JAK2: variants seen among roughly 807,000 people sequenced by gnomAD.
JAK2 encodes the protein Janus kinase 2.
JAK2 carries 86 observed loss-of-function variants against 139.3 expected under a neutral mutation model. That is an observed-to-expected ratio of 0.62 (90% confidence interval 0.52 to 0.74). JAK2 has a LOEUF of 0.74. Among genes scored for constraint, JAK2 ranks in the 30% least tolerant of loss-of-function variants. The pLI, the probability that JAK2 is intolerant of heterozygous loss-of-function variation, is 0.00. For synonymous variants in JAK2, 490 were observed against 437.7 expected (o/e 1.12, Z -1.49); for missense variants, 1,421 against 1,360.3 (o/e 1.04, Z -0.70).
At chr9:5,090,095 C>G (rs952844103) in intron 20 of JAK2, among the ~76,000 whole-genome samples, 1 of 152,076 alleles carries the variant, frequency 6.6e-6, no homozygotes, top group Non-Finnish European at 1.5e-5. Flanking sequence ...AAGAAAGTAT[C>G]ATTTTTAAAG....
chr9:5,034,407 G>C (rs537017966), intron 4 of JAK2, among the ~76,000 whole-genome samples: 25 of 152,250 alleles, frequency 1.6e-4, no homozygotes, highest in Middle Eastern at 3.4e-3. Context: ...GACATCTACA[G>C]AACTCTCCAC....
Position 5,044,524 on chromosome 9 carries a change from T to C in JAK2, c.468+4T>C, listed in dbSNP as rs1816855907. On this transcript the variant is annotated splice_donor_region_variant and intron_variant, in intron 5 of 24. Coordinates refer to ENST00000381652, the MANE Select transcript of JAK2 (RefSeq NM_004972.4). ...CATGTCTTACCTCTTTGCTCAGGTA[T>C]GATTATATTATCTTACTTGTACATG... 5 of 1,487,648 alleles carry C rather than the reference T, an allele frequency of 3.4e-6. No individual in the cohort carries two copies. The highest frequency in any genetic ancestry group is 4.6e-6 in the Non-Finnish European group (5 of 1,076,928). The allele number at this position is 1,487,648 out of a possible 1,614,324, so 92.2% of individuals were successfully genotyped here. A position where few individuals can be genotyped will look rare whatever the true frequency, so the allele number is the denominator to read the frequency against.
At chr9:5,020,352 T>G (rs944693712) in intron 2 of JAK2, among the ~76,000 whole-genome samples, 1 of 152,152 alleles carries the variant, frequency 6.6e-6, no homozygotes, top group Non-Finnish European at 1.5e-5. Context: ...ATAACATGCT[T>G]GGATACGTGG....
In JAK2 at chr9:5,055,434, C is replaced by T. The variant is rs1536800; in HGVS notation, c.937-235C>T. On this transcript the variant is annotated intron_variant, in intron 7 of 24. Transcript: ENST00000381652. ...TAATGTTAATTGAATTGAAGAGTGC[C>T]ATAGCACATTTTAGATTCCTGGCAT... Among the ~76,000 whole-genome samples the T allele has an allele frequency of 0.2, 30,854 of 151,780 alleles. 3,328 individuals are homozygous for T. The highest frequency in any genetic ancestry group is 0.26 in the South Asian group (1,252 of 4,820).
At chr9:5,021,055 G>C (rs187862926) in intron 2 of JAK2, among the ~76,000 whole-genome samples, 1 of 152,088 alleles carries the variant, frequency 6.6e-6, no homozygotes, top group Non-Finnish European at 1.5e-5. Flanking sequence ...CTTGTGTCTG[G>C]GATTGCAGGA....
chr9:5,105,495 T>C (rs926597240), intron 22 of JAK2, among the ~76,000 whole-genome samples: 2 of 152,178 alleles, frequency 1.3e-5, no homozygotes, highest in Non-Finnish European at 2.9e-5. Flanking sequence ...CTGCCCAAAG[T>C]AATTTATAGA....
In JAK2 at chr9:5,121,132, A is replaced by G. The variant is rs530076358; in HGVS notation, c.3060-1872A>G. Among the ~76,000 whole-genome samples the G allele has an allele frequency of 1.9e-3, 295 of 152,282 alleles. 1 individual carries two copies. The highest frequency in any genetic ancestry group is 6.0e-3 in the African/African-American group (249 of 41,546). On this transcript the variant is annotated intron_variant, in intron 22 of 24. Coordinates refer to ENST00000381652, the MANE Select transcript of JAK2 (RefSeq NM_004972.4). ...ATAGTAGTAGTAGTGTTGGGAAAGT[A>G]TAATTGAAAACAAAATCTTCCAACC...
At chr9:5,036,111 T>C (rs1823580600) in intron 4 of JAK2, among the ~76,000 whole-genome samples, 2 of 152,202 alleles carry the variant, frequency 1.3e-5, no homozygotes, top group African/African-American at 4.8e-5. Context: ...AGCCAAATCA[T>C]GAGTGAACTC....
At chr9:5,007,223 C>T (rs778522505) in intron 2 of JAK2, among the ~76,000 whole-genome samples, 16 of 152,052 alleles carry the variant, frequency 1.1e-4, no homozygotes, top group Middle Eastern at 6.4e-3. Context: ...CCTTTCTTCT[C>T]GTCTTGTGTA....
At chr9:4,993,228 C>G (rs1820366293) in intron 2 of JAK2, among the ~76,000 whole-genome samples, 2 of 152,172 alleles carry the variant, frequency 1.3e-5, no homozygotes, top group African/African-American at 4.8e-5. Flanking sequence ...GGACAACACC[C>G]TTAAGATCCT....
At chr9:5,010,552 C>T (rs1821632649) in intron 2 of JAK2, among the ~76,000 whole-genome samples, 1 of 152,150 alleles carries the variant, frequency 6.6e-6, no homozygotes, top group Non-Finnish European at 1.5e-5. Context: ...AACTCCTGAC[C>T]TCAGGTGATT....
Position 5,085,598 on chromosome 9 carries a change from C to T in JAK2, c.2571+3737C>T, listed in dbSNP as rs184493328. ...GTTTGTGCCCCACCTATAGATACTACAGAAAGAATTAAATCTCCAGCAAGG... is the reference window on the plus strand; with the variant it reads ...GTTTGTGCCCCACCTATAGATACTATAGAAAGAATTAAATCTCCAGCAAGG... On this transcript the variant is annotated intron_variant, in intron 19 of 24. Transcript: ENST00000381652. The T allele has an allele frequency of 9.3e-4, 646 of 696,594 alleles. 1 individual carries two copies. In the African/African-American group the frequency reaches 0.011, roughly 11 times the overall value. 43.2% of individuals were successfully genotyped at this position (696,594 alleles called of 1,614,324 possible). A position where few individuals can be genotyped will look rare whatever the true frequency, so the allele number is the denominator to read the frequency against.
chr9:5,073,270 G>C (rs1317618017), intron 13 of JAK2, among the ~76,000 whole-genome samples: 2 of 152,200 alleles, frequency 1.3e-5, no homozygotes, highest in Non-Finnish European at 2.9e-5. Flanking sequence ...AACTATGCTA[G>C]TATCCTGACA....
intron 22 of JAK2, among the ~76,000 whole-genome samples, chr9:5,119,973 A>C (rs1390016394): frequency 6.6e-6 from 1 of 152,220 alleles, no homozygotes; most frequent in Non-Finnish European, 1.5e-5. Flanking sequence ...CTTATTGAAT[A>C]ATAAACACTG....
In JAK2 at chr9:5,077,565, G is replaced by A; in HGVS notation, c.1977G>A (p.Trp659Ter). Residue 659 changes from tryptophan to a stop codon, truncating the protein, a stop_gained, in exon 15 of 25, where the codon TGG (tryptophan) becomes TGA (stop). Coordinates refer to ENST00000381652, the MANE Select transcript of JAK2 (RefSeq NM_004972.4). LOFTEE classifies it high-confidence loss of function. ...TTGAAGTTGCTAAACAGTTGGCATG[G>A]GCCATGCATTTTCTAGTAAGTAGTA... ...WKLEVAKQLA[W>*]AMHFLEENTL... 1 of 1,484,654 alleles carries A rather than the reference G, an allele frequency of 6.7e-7. No homozygotes were observed. Among genetic ancestry groups the A allele is most frequent in the Non-Finnish European group, 8.9e-7 (1 of 1,119,780 alleles). The allele number at this position is 1,484,654 out of a possible 1,614,324, so 92.0% of individuals were successfully genotyped here.
intron 8 of JAK2, among the ~76,000 whole-genome samples, chr9:5,057,585 T>A (rs868764162): frequency 1.6e-5 from 2 of 126,814 alleles, no homozygotes; most frequent in African/African-American, 8.8e-5. Context: ...ACTTTCTTTT[T>A]TTTTTTTTTT....
In JAK2 at chr9:5,050,860, T is replaced by C. The variant is rs1241373107; in HGVS notation, c.614+29T>C. 8 of 1,562,290 alleles carry C rather than the reference T, an allele frequency of 5.1e-6. No individual in the cohort carries two copies. In the Admixed American group the frequency reaches 1.0e-4, roughly 20 times the overall value. On this transcript the variant is annotated intron_variant, in intron 6 of 24. Transcript: ENST00000381652. Reference sequence around the variant, plus strand: ...ATTTTCTTTTGCAAATCCTTACACATAAGTGTGAGTAGAGATTTTATATAA... The same window carrying C: ...ATTTTCTTTTGCAAATCCTTACACACAAGTGTGAGTAGAGATTTTATATAA...
intron 2 of JAK2, among the ~76,000 whole-genome samples, chr9:4,996,863 AAC>A (rs1820593982): frequency 6.6e-6 from 1 of 151,864 alleles, no homozygotes; most frequent in African/African-American, 2.4e-5. Flanking sequence ...CAGTAAAAGT[AAC>A]ACTGTATTAG....
chr9:5,012,038 G>A (rs753888541), intron 2 of JAK2, among the ~76,000 whole-genome samples: 6 of 152,132 alleles, frequency 3.9e-5, no homozygotes, highest in African/African-American at 1.2e-4. Flanking sequence ...CCTGGGCTTC[G>A]ATTTTCATCC....
Sources: gnomAD v4.1 joint callset for allele counts (sites outside exome capture counted in the v4.1 genomes callset) on GRCh38, gnomAD v4.1.1 for gene constraint, MANE v1.5 for transcripts, NCBI Gene and HGNC (gene_info 2026-07-23, HGNC 2026-07-21) for gene names.